ASTN1: variants seen among roughly 807,000 people sequenced by gnomAD.
ASTN1 encodes the protein astrotactin-1.
Under a neutral mutation model 140.7 loss-of-function variants are expected in ASTN1, and 41 were observed. The ratio of observed to expected loss-of-function variants is 0.29; its 90% CI spans 0.23 to 0.38. ASTN1 has a LOEUF of 0.38. Among genes scored for constraint, ASTN1 ranks in the 10% least tolerant of loss-of-function variants. The pLI, the probability that ASTN1 is intolerant of heterozygous loss-of-function variation, is 1.00. For missense variants in ASTN1, 1,479 were observed against 1,678.8 expected, an observed-to-expected ratio of 0.88 and a Z score of 2.08; for synonymous variants, 640 against 652.2, an observed-to-expected ratio of 0.98 and a Z score of 0.29.
intron 2 of ASTN1, among the ~76,000 whole-genome samples, chr1:177,043,934 A>G (rs1264948234): frequency 6.6e-6 from 1 of 152,056 alleles, no homozygotes; most frequent in Non-Finnish European, 1.5e-5. Flanking sequence ...TCTTTAAAAA[A>G]TTATTAAATT....
intron 1 of ASTN1, among the ~76,000 whole-genome samples, chr1:177,061,497 C>G (rs1043054032): frequency 6.6e-6 from 1 of 152,262 alleles, no homozygotes; most frequent in Non-Finnish European, 1.5e-5. Context: ...TCTAGTGAAC[C>G]AGGCTCTCAC....
intron 1 of ASTN1, among the ~76,000 whole-genome samples, chr1:177,114,420 C>CATATAT (rs533026030): frequency 0.036 from 5,359 of 150,070 alleles, 112 homozygotes; most frequent in Admixed American, 0.045. Context: ...GAATGGTGCA[C>CATATAT]ATATATATAT....
At chr1:176,984,977 G>C (rs539404576) in intron 8 of ASTN1, among the ~76,000 whole-genome samples, 1 of 152,226 alleles carries the variant, frequency 6.6e-6, no homozygotes, top group South Asian at 2.1e-4. Context: ...GCTACTACCT[G>C]TACCCACAAA....
At chr1:177,046,616 G>A (rs1677238336) in intron 2 of ASTN1, among the ~76,000 whole-genome samples, 1 of 152,152 alleles carries the variant, frequency 6.6e-6, no homozygotes. Context: ...TTCCCACTCT[G>A]AAAACCTTTT....
chr1:176,949,539 T>G (rs2067038), intron 11 of ASTN1, among the ~76,000 whole-genome samples, 188 bp from the exon 12 acceptor site: 39,233 of 152,096 alleles, frequency 0.26, 5,855 homozygotes, highest in African/African-American at 0.42. Flanking sequence ...TTGACGTCTT[T>G]CTTCTTCTCT....
At chr1:176,957,535 G>C in intron 11 of ASTN1, 143 bp downstream of exon 11, 1 of 1,102,706 alleles carries the variant, frequency 9.1e-7, no homozygotes, top group Non-Finnish European at 1.3e-6. Flanking sequence ...TCCTTATCAA[G>C]AGAAAATCCC....
At chr1:176,966,290 C>T (rs1233033692) in intron 8 of ASTN1, among the ~76,000 whole-genome samples, 3 of 152,100 alleles carry the variant, frequency 2.0e-5, no homozygotes, top group Admixed American at 1.3e-4. Context: ...CAGAGGGTAT[C>T]ACCCCATAGA....
intron 2 of ASTN1, among the ~76,000 whole-genome samples, chr1:177,039,390 A>G (rs1676869873): frequency 6.6e-6 from 1 of 152,200 alleles, no homozygotes; most frequent in Non-Finnish European, 1.5e-5. Flanking sequence ...TACAGCAACA[A>G]TCACTTATAT....
chr1:177,025,288 A>G (rs1571668415), intron 5 of ASTN1, among the ~76,000 whole-genome samples: 1 of 152,200 alleles, frequency 6.6e-6, no homozygotes, highest in Non-Finnish European at 1.5e-5. Flanking sequence ...TCTGCTCTGT[A>G]TGAGCAGACA....
intron 1 of ASTN1, among the ~76,000 whole-genome samples, chr1:177,087,644 G>A (rs767431525): frequency 3.3e-5 from 5 of 152,100 alleles, no homozygotes; most frequent in Non-Finnish European, 5.9e-5. Context: ...CAATGTCCCC[G>A]TAGTCTGCTA....
chr1:177,032,847 A>T lies in ASTN1; in HGVS notation c.474T>A (p.Gly158=). ...ELRILHISVM[G]GMIALLLSIL... is the part of the protein sequence containing the mutation. ...TGGACAGCAGCAGAGCGATCATGCC[A>T]CCCTAGGAAGAGAGGACCACAGATG... The change falls in exon 3 of 23, where the codon GGT becomes GGA. Residue 158 remains glycine (G), a splice_region_variant and synonymous_variant. Transcript: ENST00000361833. 1 of 1,594,180 alleles carries T rather than the reference A, an allele frequency of 6.3e-7. No individual in the cohort carries two copies. Among genetic ancestry groups the T allele is most frequent in the Non-Finnish European group, 8.5e-7 (1 of 1,169,660 alleles).
chr1:176,918,298 T>C (rs763550062), intron 16 of ASTN1, among the ~76,000 whole-genome samples: 2 of 152,198 alleles, frequency 1.3e-5, no homozygotes, highest in African/African-American at 4.8e-5. Context: ...TAGGTACTAG[T>C]TGAATTCACC....
chr1:177,026,347 T>C (rs1571670238), intron 5 of ASTN1, among the ~76,000 whole-genome samples: 1 of 152,052 alleles, frequency 6.6e-6, no homozygotes, highest in East Asian at 1.9e-4. Flanking sequence ...CTCACCACCT[T>C]CTCTCAAACC....
chr1:177,155,255 C>T (rs939140433), intron 1 of ASTN1, among the ~76,000 whole-genome samples: 6 of 152,112 alleles, frequency 3.9e-5, no homozygotes, highest in African/African-American at 1.4e-4. Flanking sequence ...GTAGGGTGAT[C>T]AAACTGTTCT....
chr1:177,115,216 A>G (rs1035862452), intron 1 of ASTN1, among the ~76,000 whole-genome samples: 23 of 152,174 alleles, frequency 1.5e-4, no homozygotes, highest in Admixed American at 3.3e-4. Flanking sequence ...TTCTGATTCA[A>G]TACTGAGGTG....
At chr1:176,984,719 C>T (rs1673804959) in intron 8 of ASTN1, among the ~76,000 whole-genome samples, 1 of 152,170 alleles carries the variant, frequency 6.6e-6, no homozygotes, top group Non-Finnish European at 1.5e-5. Context: ...ACTTATACTT[C>T]TTATTTTCCA....
intron 7 of ASTN1, among the ~76,000 whole-genome samples, chr1:177,020,680 A>G (rs1241213330): frequency 6.6e-6 from 1 of 152,158 alleles, no homozygotes; most frequent in Non-Finnish European, 1.5e-5. Context: ...TGGAGATGAG[A>G]ATGTGGACAT....
intron 21 of ASTN1, among the ~76,000 whole-genome samples, chr1:176,870,228 T>C (rs951686394): frequency 6.6e-6 from 1 of 152,228 alleles, no homozygotes; most frequent in African/African-American, 2.4e-5. Flanking sequence ...ACGTTTTGTC[T>C]TGGATGCAGT....
chr1:176,857,360 A>G, downstream of ASTN1: 1 of 391,322 alleles, frequency 2.6e-6, no homozygotes, highest in Non-Finnish European at 4.5e-6. Context: ...CCTAGTCAGG[A>G]AAGCAAAATA....
Sources: allele counts gnomAD v4.1 joint callset (sites outside exome capture counted in the v4.1 genomes callset), GRCh38; gene constraint gnomAD v4.1.1; transcripts MANE v1.5; gene names NCBI Gene and HGNC (gene_info 2026-07-23, HGNC 2026-07-21).